EIF2AK3: variants seen among roughly 807,000 people sequenced by gnomAD.
EIF2AK3 encodes eukaryotic translation initiation factor 2 alpha kinase 3, also known as eukaryotic translation initiation factor 2-alpha kinase 3.
A neutral mutation model predicts 113.5 loss-of-function variants in EIF2AK3; 50 were observed. That is an observed-to-expected ratio of 0.44 (90% confidence interval 0.35 to 0.56). EIF2AK3 has a LOEUF of 0.56. Ranked by LOEUF, EIF2AK3 falls within the 20% of genes least tolerant of loss-of-function variation. The pLI, the probability that EIF2AK3 is intolerant of heterozygous loss-of-function variation, is 0.00. For missense variants in EIF2AK3, 1,185 were observed against 1,378.0 expected (o/e 0.86, Z 2.22); for synonymous variants, 448 against 495.4 (o/e 0.90, Z 1.27).
Position 88,576,594 on chromosome 2 carries a change from A to G in EIF2AK3, c.1996T>C (p.Trp666Arg), listed in dbSNP as rs1409352536. The G allele has an allele frequency of 3.7e-6, 6 of 1,614,086 alleles. No individual in the cohort carries two copies. The highest frequency in any genetic ancestry group is 5.1e-6 in the Non-Finnish European group (6 of 1,179,996). Residue 666 changes from tryptophan (W) to arginine (R), a missense_variant, in exon 12 of 17, where the codon TGG becomes CGG. By Grantham distance (101) the Trp-to-Arg change is moderately radical. Transcript: ENST00000303236. Reference protein sequence around the residue: ...NAWLEAPPEKWQEKMDEIWLK... With the variant: ...NAWLEAPPEKRQEKMDEIWLK... ...CAAATTTCATCCATCTTTTCTTGCC[A>G]CTTCTCTGGTGGTGCTTCGAGCCAG...
At chr2:88,565,403 T>C (rs1227096737) in intron 14 of EIF2AK3, among the ~76,000 whole-genome samples, 1 of 149,808 alleles carries the variant, frequency 6.7e-6, no homozygotes, top group African/African-American at 2.5e-5. Context: ...CACGGTGGCA[T>C]GACCTTGGCT....
At chr2:88,584,879 G>A (rs560322297) in intron 9 of EIF2AK3, among the ~76,000 whole-genome samples, 7 of 152,244 alleles carry the variant, frequency 4.6e-5, no homozygotes, top group African/African-American at 1.7e-4. Flanking sequence ...GCACGGTGGA[G>A]GGGAGGAAGG....
chr2:88,597,807 A>C (rs1159661473), intron 2 of EIF2AK3, among the ~76,000 whole-genome samples: 1 of 152,170 alleles, frequency 6.6e-6, no homozygotes, highest in Non-Finnish European at 1.5e-5. Context: ...AATCCGAGAC[A>C]CCGTGATATC....
At chr2:88,593,868 G>C (rs1299326883) in intron 3 of EIF2AK3, 1 of 1,003,052 alleles carries the variant, frequency 1.0e-6, no homozygotes, top group Non-Finnish European at 1.2e-6. Context: ...AAGAAAAAAG[G>C]AAGAGTTAAT....
Position 88,595,630 on chromosome 2 carries a change from C to T in EIF2AK3, c.472G>A (p.Asp158Asn). The change falls in exon 3 of 17, where the codon GAT becomes AAT. Residue 158 changes from aspartate (D) to asparagine (N), a missense_variant. By Grantham distance (23) the Asp-to-Asn change is conservative. Transcript: ENST00000303236. ...FGNKMIIPSL[D>N]GALFQWDQDR... Reference sequence around the variant, plus strand: ...TGGTCCCACTGGAAGAGGGCTCCATCCAGGGAAGGAATGATCATCTTATTC... The same window carrying T: ...TGGTCCCACTGGAAGAGGGCTCCATTCAGGGAAGGAATGATCATCTTATTC... The T allele has an allele frequency of 6.2e-7, 1 of 1,613,994 alleles. No homozygotes were observed. The highest frequency in any genetic ancestry group is 2.2e-5 in the East Asian group (1 of 44,858).
In EIF2AK3 at chr2:88,574,734, T is replaced by C. The variant is rs1437599611; in HGVS notation, c.2749A>G (p.Ile917Val). Reference sequence around the variant, plus strand: ...ACTGCCTCTGCGATCTGCAGGAAGATGTGCAGACACACGCTCCTCTCTCTC... The same window carrying C: ...ACTGCCTCTGCGATCTGCAGGAAGACGTGCAGACACACGCTCCTCTCTCTC... ...EERERSVCLHIFLQIAEAVEF... is the reference protein window; with the variant it reads ...EERERSVCLHVFLQIAEAVEF... Residue 917 changes from isoleucine (I) to valine (V), a missense_variant, in exon 13 of 17, where the codon ATC (isoleucine) becomes GTC (valine). Ile to Val is a conservative substitution (Grantham distance 29). Around this residue, in one of 3 missense-constraint regions of EIF2AK3, gnomAD observed 877 missense variants for 1,024.2 expected, o/e 0.86. Transcript: ENST00000303236. 2 of 1,614,218 alleles carry C rather than the reference T, an allele frequency of 1.2e-6. No individual in the cohort carries two copies. Among genetic ancestry groups the C allele is most frequent in the Non-Finnish European group, 1.7e-6 (2 of 1,180,032 alleles).
chr2:88,565,484 G>A (rs1674090688), intron 14 of EIF2AK3, among the ~76,000 whole-genome samples: 1 of 151,760 alleles, frequency 6.6e-6, no homozygotes, highest in African/African-American at 2.4e-5. Flanking sequence ...TGGGACCACA[G>A]GCATACACCA....
intron 3 of EIF2AK3, 80 bp downstream of exon 3, chr2:88,595,389 A>G (rs1674993120): frequency 4.5e-6 from 6 of 1,343,086 alleles, no homozygotes; most frequent in Admixed American, 3.7e-5. Flanking sequence ...TCAACTAATA[A>G]TAAGTGTAGT....
chr2:88,594,053 G>C, intron 3 of EIF2AK3: 4 of 510,286 alleles, frequency 7.8e-6, no homozygotes, highest in Non-Finnish European at 1.0e-5. Context: ...AGATAGGATG[G>C]CATGGCCTCC....
At chr2:88,566,702 C>A (rs1327304911) in intron 14 of EIF2AK3, among the ~76,000 whole-genome samples, 1 of 152,156 alleles carries the variant, frequency 6.6e-6, no homozygotes, top group Non-Finnish European at 1.5e-5. Context: ...AATCCTAGCA[C>A]TTTGGGAGGC....
intron 15 of EIF2AK3, among the ~76,000 whole-genome samples, chr2:88,562,015 T>C (rs757929379): frequency 1.3e-5 from 2 of 152,188 alleles, no homozygotes; most frequent in Non-Finnish European, 2.9e-5. Flanking sequence ...TTTTTACTTA[T>C]AACAAACTTA....
intron 11 of EIF2AK3, 86 bp downstream of exon 11, chr2:88,579,432 A>T: frequency 1.3e-6 from 2 of 1,548,972 alleles, no homozygotes. Context: ...TATGGTGTTT[A>T]CAGAGTACAG....
intron 6 of EIF2AK3, among the ~76,000 whole-genome samples, chr2:88,590,137 A>T (rs1674845648): frequency 6.6e-6 from 1 of 152,146 alleles, no homozygotes; most frequent in South Asian, 2.1e-4. Flanking sequence ...TAGGAGGCTG[A>T]GGCAGGAGAA....
At chr2:88,610,285 T>G (rs1021543529) in intron 2 of EIF2AK3, among the ~76,000 whole-genome samples, 13 of 152,198 alleles carry the variant, frequency 8.5e-5, no homozygotes, top group African/African-American at 3.1e-4. Flanking sequence ...ATTTAAAAGA[T>G]CTATGTAACT....
At chr2:88,579,366 G>A in intron 11 of EIF2AK3, 152 bp downstream of exon 11, 3 of 978,566 alleles carry the variant, frequency 3.1e-6, no homozygotes, top group Non-Finnish European at 3.0e-6. Context: ...CTTTTAGACA[G>A]CTGGTTAATT....
chr2:88,626,921 T>A, intron 1 of EIF2AK3, 46 bp downstream of exon 1: 1 of 1,601,084 alleles, frequency 6.2e-7, no homozygotes. Context: ...CCTCCGCGGC[T>A]CGCGCGCGTA....
intron 2 of EIF2AK3, chr2:88,595,934 G>T (rs946635766): frequency 6.2e-6 from 3 of 487,208 alleles, no homozygotes; most frequent in Non-Finnish European, 1.1e-5. Context: ...GTTTACCATG[G>T]GCCAAAAGGG....
intron 1 of EIF2AK3, among the ~76,000 whole-genome samples, chr2:88,625,279 T>TTACG (rs1675830579): frequency 7.3e-6 from 1 of 136,494 alleles, no homozygotes; most frequent in African/African-American, 2.9e-5. Flanking sequence ...TCTATATCGC[T>TTACG]TACGTACACA....
chr2:88,585,069 C>T (rs1368247424), intron 9 of EIF2AK3, among the ~76,000 whole-genome samples: 1 of 152,014 alleles, frequency 6.6e-6, no homozygotes, highest in Non-Finnish European at 1.5e-5. Flanking sequence ...TGGAGATAGC[C>T]TGAGGACTAG....
Sources: gnomAD v4.1 joint callset for allele counts (sites outside exome capture counted in the v4.1 genomes callset) on GRCh38, gnomAD v4.1.1 for gene constraint, gnomAD v4.1.1 regional missense constraint, MANE v1.5 for transcripts, NCBI Gene and HGNC (gene_info 2026-07-23, HGNC 2026-07-21) for gene names.